The following PIEZO2 variants were observed in gnomAD, a reference collection of about 807,000 sequenced individuals.
PIEZO2 encodes piezo-type mechanosensitive ion channel component 2.
In PIEZO2, 172 loss-of-function variants were observed where a neutral mutation model predicts 337.3. That is an observed-to-expected ratio of 0.51 (90% CI 0.45 to 0.58). PIEZO2 has a LOEUF of 0.58. Ranked by LOEUF, PIEZO2 falls within the 20% of genes least tolerant of loss-of-function variation. The pLI is 0.00. For synonymous variants in PIEZO2, 1,251 were observed against 1,228.5 expected (o/e 1.02, Z -0.38); for missense variants, 3,028 against 3,391.3 (o/e 0.89, Z 2.66).
intron 2 of PIEZO2, among the ~76,000 whole-genome samples, chr18:11,011,253 T>C (rs1004031129): frequency 7.2e-5 from 11 of 152,246 alleles, no homozygotes; most frequent in African/African-American, 2.2e-4. Context: ...TTAATCTGTG[T>C]CCTACAATTG....
intron 5 of PIEZO2, among the ~76,000 whole-genome samples, chr18:10,864,187 G>A (rs1455820760): frequency 2.0e-5 from 3 of 152,244 alleles, no homozygotes; most frequent in African/African-American, 7.2e-5. Context: ...AGCAGAGAAG[G>A]TACTGTTTCA....
chr18:10,680,704 C>T (rs180707636), intron 51 of PIEZO2, among the ~76,000 whole-genome samples: 13 of 152,148 alleles, frequency 8.5e-5, no homozygotes, highest in Admixed American at 3.3e-4. Flanking sequence ...TATGGGGGAA[C>T]GTCTCTGTCA....
chr18:10,839,283 C>T (rs1299910699), intron 7 of PIEZO2, among the ~76,000 whole-genome samples: 1 of 152,168 alleles, frequency 6.6e-6, no homozygotes, highest in Non-Finnish European at 1.5e-5. Flanking sequence ...AAAGAAAAAG[C>T]ATTAGTCATG....
chr18:10,968,662 CAAT>C (rs1258979101), intron 3 of PIEZO2, among the ~76,000 whole-genome samples: 1 of 146,256 alleles, frequency 6.8e-6, no homozygotes, highest in African/African-American at 2.8e-5. Flanking sequence ...CAATAATTAT[CAAT>C]AATGTGATAC....
chr18:11,034,181 G>T (rs1288052634), intron 2 of PIEZO2, among the ~76,000 whole-genome samples: 3 of 152,056 alleles, frequency 2.0e-5, no homozygotes, highest in Non-Finnish European at 2.9e-5. Flanking sequence ...AGTTCAGTCA[G>T]AAGTTTTAAT....
At chr18:11,004,779 T>C (rs1366250348) in intron 2 of PIEZO2, among the ~76,000 whole-genome samples, 1 of 152,212 alleles carries the variant, frequency 6.6e-6, no homozygotes, top group Non-Finnish European at 1.5e-5. Context: ...CTAAAGTGAA[T>C]TGTCATGACA....
At position 10,953,034 on chromosome 18, in the gene PIEZO2, A is replaced by G. The variant is rs1369359558; in HGVS notation, c.286+26501T>C. ...TTTAATGTGTTTATTCATCATCTGTATATCTTCTTTGGTAAAGTGTCTATT... is the reference window on the plus strand; with the variant it reads ...TTTAATGTGTTTATTCATCATCTGTGTATCTTCTTTGGTAAAGTGTCTATT... On this transcript the variant is annotated intron_variant, in intron 3 of 55. Transcript: ENST00000674853. The surrounding 1 kb of genome is among the most constrained non-coding windows in gnomAD (Gnocchi z 5.2). 1.3e-5 allele frequency among the ~76,000 whole-genome samples: 2 copies of G among 151,972 alleles called. No individual in the cohort carries two copies. Among genetic ancestry groups the G allele is most frequent in the African/African-American group, 4.8e-5 (2 of 41,362 alleles).
intron 2 of PIEZO2, among the ~76,000 whole-genome samples, chr18:11,052,794 C>T (rs999605398): frequency 6.6e-6 from 1 of 152,166 alleles, no homozygotes; most frequent in Non-Finnish European, 1.5e-5. Flanking sequence ...GATATATTAT[C>T]TATGTAACAT....
chr18:10,941,649 G>A (rs1242136001), intron 3 of PIEZO2, among the ~76,000 whole-genome samples: 1 of 152,160 alleles, frequency 6.6e-6, no homozygotes, highest in Non-Finnish European at 1.5e-5. Flanking sequence ...GAAAGTAACA[G>A]TAGGAAAACA....
rs2144717893 is a variant in PIEZO2, at chr18:10,859,051, A to C, written c.493-1840T>G. Among the ~76,000 whole-genome samples, 1 of 152,344 alleles carries C rather than the reference A, an allele frequency of 6.6e-6. No homozygotes were observed. The highest frequency in any genetic ancestry group is 2.1e-4 in the South Asian group (1 of 4,832). On this transcript the variant is annotated intron_variant, in intron 5 of 55. Coordinates refer to ENST00000674853, the MANE Select transcript of PIEZO2 (RefSeq NM_001378183.1). This position sits in a 1 kb window ranked among gnomAD's most constrained non-coding sequence, Gnocchi z 4.9. ...CCAGCTAAATATCTCACAGTAATGA[A>C]TGCCCCCTTCAGGGAGGTCGAATAG... is the stretch of plus-strand genomic sequence containing the variant.
rs1053626788 is a variant in PIEZO2 at position 10,681,685 on chromosome 18, A to T, written c.7755T>A (p.Phe2585Leu). 6.2e-7 allele frequency: 1 copy of T among 1,606,636 alleles called. No individual in the cohort carries two copies. Among genetic ancestry groups the T allele is most frequent in the Non-Finnish European group, 8.5e-7 (1 of 1,173,258 alleles). Reference sequence around the variant, plus strand: ...CGGTGTCCCTAGAAAAAGCTTGTATAAATTTGTTAAAGCTCTGCTGGTCCA... The same window carrying T: ...CGGTGTCCCTAGAAAAAGCTTGTATTAATTTGTTAAAGCTCTGCTGGTCCA... ...KVMDQQSFNKFIQAFSRDTGA... is the reference protein window; with the variant it reads ...KVMDQQSFNKLIQAFSRDTGA... The change falls in exon 51 of 56, where the codon TTT (phenylalanine) becomes TTA (leucine). Residue 2585 changes from phenylalanine to leucine, a missense_variant. Phe to Leu is a conservative substitution (Grantham distance 22). Transcript: ENST00000674853.
At position 10,945,697 on chromosome 18, in the gene PIEZO2, G is replaced by GA. The variant is rs1394865019; in HGVS notation, c.286+33837dup. Among the ~76,000 whole-genome samples the GA allele has an allele frequency of 7.9e-5, 12 of 152,100 alleles. No homozygotes were observed. The highest frequency in any genetic ancestry group is 2.7e-4 in the African/African-American group (11 of 41,430). On this transcript the variant is annotated intron_variant, in intron 3 of 55. Transcript: ENST00000674853. The surrounding 1 kb of genome is among the most constrained non-coding windows in gnomAD (Gnocchi z 4.0). ...CAGAAAATAGGACCCATAATCAGCAGAAAAAATCAATCAAAATCTTCCCAG... is the reference window on the plus strand; with the variant it reads ...CAGAAAATAGGACCCATAATCAGCAGAAAAAAATCAATCAAAATCTTCCCAG...
chr18:10,732,032 C>T (rs923868779), intron 35 of PIEZO2, among the ~76,000 whole-genome samples: 2 of 152,084 alleles, frequency 1.3e-5, no homozygotes, highest in Admixed American at 1.3e-4. Context: ...ATGATTAGTA[C>T]TTTGCGAGGA....
At chr18:10,725,564 C>G in intron 36 of PIEZO2, 1 of 1,366,800 alleles carries the variant, frequency 7.3e-7, no homozygotes, top group Non-Finnish European at 9.9e-7. Flanking sequence ...TTGTTTCTCC[C>G]CTGTCCCTCC....
intron 27 of PIEZO2, among the ~76,000 whole-genome samples, chr18:10,753,596 T>A (rs1167717617): frequency 6.6e-6 from 1 of 152,178 alleles, no homozygotes. Context: ...GAACTTTTGG[T>A]TTTGGGAGTT....
In PIEZO2 at chr18:10,834,879, T is replaced by TC. The variant is rs533853133; in HGVS notation, c.917+20473_917+20474insG. ...CATCACTCTCACTTTCACAAGGGCG[T>TC]GATCATAAGCTTTTGTTTTGTTTGT... On this transcript the variant is annotated intron_variant, in intron 7 of 55. Transcript: ENST00000674853. The surrounding 1 kb of genome is among the most constrained non-coding windows in gnomAD (Gnocchi z 4.5). Among the ~76,000 whole-genome samples the TC allele has an allele frequency of 4.5e-3, 692 of 152,308 alleles. 1 individual carries two copies. Among genetic ancestry groups the TC allele is most frequent in the Non-Finnish European group, 7.2e-3 (489 of 68,024 alleles).
chr18:10,714,415 C>T (rs1329590064), intron 39 of PIEZO2, among the ~76,000 whole-genome samples: 2 of 152,168 alleles, frequency 1.3e-5, no homozygotes, highest in East Asian at 3.9e-4. Context: ...GTAGAAGACA[C>T]TGTGGATCGG....
rs142673599 is a variant in PIEZO2 at position 10,741,156 on chromosome 18, T to C, written c.4637-54A>G. The C allele has an allele frequency of 3.2e-4, 472 of 1,459,700 alleles. 1 individual carries two copies. The African/African-American group carries it at 5.7e-3, about 18-fold the overall frequency. The allele number at this position is 1,459,700 out of a possible 1,614,324, so 90.4% of individuals were successfully genotyped here. A position where few individuals can be genotyped will look rare whatever the true frequency, so the allele number is the denominator to read the frequency against. On this transcript the variant is annotated intron_variant, in intron 32 of 55. Coordinates refer to ENST00000674853, the MANE Select transcript of PIEZO2 (RefSeq NM_001378183.1). ...TCGTATAAAGTGAGAAAACAAATTT[T>C]GAAAACCACGCTTTAACAACTCAAT...
chr18:10,933,351 G>A (rs1299694207), intron 3 of PIEZO2, among the ~76,000 whole-genome samples: 1 of 151,980 alleles, frequency 6.6e-6, no homozygotes, highest in African/African-American at 2.4e-5. Flanking sequence ...CTTCATTGGA[G>A]TAATTTTCTT....
Sources: allele counts gnomAD v4.1 joint callset (sites outside exome capture counted in the v4.1 genomes callset), GRCh38; gene constraint gnomAD v4.1.1; non-coding constraint Gnocchi (gnomAD v3.1); transcripts MANE v1.5; gene names NCBI Gene and HGNC (gene_info 2026-07-23, HGNC 2026-07-21).